Variants in SKIC3 observed in about 807,000 individuals in gnomAD.
SKIC3 encodes the protein superkiller complex protein 3.
chr5:95,515,317 A>G, the SKIC3 span, among the ~76,000 whole-genome samples: 2 of 152,182 alleles, frequency 1.3e-5, no homozygotes, highest in African/African-American at 4.8e-5. Context: ...GTCCTAACCA[A>G]TGAAGTCCTA....
At chr5:95,525,380 C>A in the SKIC3 span, 6 of 1,608,188 alleles carry the variant, frequency 3.7e-6, no homozygotes, top group Non-Finnish European at 3.4e-6. Flanking sequence ...GTTCTATGAG[C>A]AATTTATATA....
the SKIC3 span, among the ~76,000 whole-genome samples, chr5:95,551,974 T>C: frequency 6.6e-6 from 1 of 152,168 alleles, no homozygotes; most frequent in African/African-American, 2.4e-5. Context: ...TGTTAAAAAT[T>C]TTCCCTACAC....
At chr5:95,497,213 A>G in the SKIC3 span, among the ~76,000 whole-genome samples, 9 of 152,184 alleles carry the variant, frequency 5.9e-5, no homozygotes, top group Non-Finnish European at 1.3e-4. Flanking sequence ...TAGCTCCCAC[A>G]ACATCTAGAA....
chr5:95,552,692 C>T, the SKIC3 span, among the ~76,000 whole-genome samples: 10 of 151,886 alleles, frequency 6.6e-5, no homozygotes, highest in South Asian at 6.3e-4. Context: ...TGAAAAATGG[C>T]GGGAGGGAAG....
At chr5:95,529,281 C>T in the SKIC3 span, 1 of 674,140 alleles carries the variant, frequency 1.5e-6, no homozygotes, top group African/African-American at 1.8e-5. Context: ...TTCTCCATCT[C>T]CACGTCAGTT....
At chr5:95,500,972 T>C in the SKIC3 span, among the ~76,000 whole-genome samples, 1 of 152,136 alleles carries the variant, frequency 6.6e-6, no homozygotes, top group Non-Finnish European at 1.5e-5. Context: ...GAGGCAGTTC[T>C]GAAGTAAACA....
At chr5:95,465,514 T>C in the SKIC3 span, among the ~76,000 whole-genome samples, 1 of 152,200 alleles carries the variant, frequency 6.6e-6, no homozygotes, top group Admixed American at 6.5e-5. Flanking sequence ...TCAAGCACTG[T>C]GAAGGGTCTG....
At chr5:95,511,488 A>C in the SKIC3 span, among the ~76,000 whole-genome samples, 2 of 152,106 alleles carry the variant, frequency 1.3e-5, no homozygotes, top group East Asian at 3.9e-4. Context: ...CCTAAGGCAA[A>C]CCCCCCCAAG....
chr5:95,476,902 T>C, the SKIC3 span, among the ~76,000 whole-genome samples: 19 of 152,352 alleles, frequency 1.2e-4, no homozygotes, highest in East Asian at 1.7e-3. Flanking sequence ...GCATTTATAA[T>C]AGAACCTAGC....
the SKIC3 span, among the ~76,000 whole-genome samples, chr5:95,543,924 G>A: frequency 6.6e-6 from 1 of 152,120 alleles, no homozygotes; most frequent in African/African-American, 2.4e-5. Context: ...ACTTGCTAAA[G>A]GTAAAATAAA....
At chr5:95,539,303 A>T in the SKIC3 span, among the ~76,000 whole-genome samples, 1 of 152,250 alleles carries the variant, frequency 6.6e-6, no homozygotes, top group South Asian at 2.1e-4. Context: ...ATGAACAGAA[A>T]ATTCTCAAAA....
the SKIC3 span, chr5:95,468,071 A>T: frequency 1.3e-6 from 2 of 1,547,384 alleles, no homozygotes; most frequent in African/African-American, 2.7e-5. Context: ...CACACACATT[A>T]TCTTTCTCAT....
the SKIC3 span, chr5:95,516,855 C>G: frequency 6.4e-7 from 1 of 1,560,630 alleles, no homozygotes; most frequent in Non-Finnish European, 8.7e-7. Flanking sequence ...TCATCCAAAA[C>G]AACTTCGAGA....
At chr5:95,517,064 C>A in the SKIC3 span, 6 of 1,613,394 alleles carry the variant, frequency 3.7e-6, no homozygotes, top group Non-Finnish European at 3.4e-6. Context: ...ATAACACCTA[C>A]GGGAATATAA....
chr5:95,494,678 G>T, the SKIC3 span: 1 of 1,611,642 alleles, frequency 6.2e-7, no homozygotes, highest in Non-Finnish European at 8.5e-7. Context: ...GATATTATAT[G>T]CACCTGGAGA....
At chr5:95,491,449 C>T in the SKIC3 span, among the ~76,000 whole-genome samples, 4 of 152,252 alleles carry the variant, frequency 2.6e-5, no homozygotes, top group Non-Finnish European at 4.4e-5. Flanking sequence ...TTTTTCAGTT[C>T]TTAAGAAAAG....
At chr5:95,481,358 C>T in the SKIC3 span, among the ~76,000 whole-genome samples, 2 of 152,110 alleles carry the variant, frequency 1.3e-5, no homozygotes, top group African/African-American at 2.4e-5. Context: ...CAAGCTCTCT[C>T]TCTTGTCTGC....
the SKIC3 span, among the ~76,000 whole-genome samples, chr5:95,477,603 C>G: frequency 6.6e-6 from 1 of 152,134 alleles, no homozygotes; most frequent in Non-Finnish European, 1.5e-5. Flanking sequence ...TCCTTTAAAA[C>G]CCCCAGTCCC....
chr5:95,494,621 TA>T, the SKIC3 span: 4 of 1,539,024 alleles, frequency 2.6e-6, no homozygotes, highest in African/African-American at 1.4e-5. Flanking sequence ...TTCCCCCACT[TA>T]CAAAATATGT....
Sources: allele counts gnomAD v4.1 joint callset (sites outside exome capture counted in the v4.1 genomes callset), GRCh38; gene constraint gnomAD v4.1.1; transcripts MANE v1.5; gene names NCBI Gene and HGNC (gene_info 2026-07-23, HGNC 2026-07-21).